Variants in TTC28 observed in about 807,000 individuals in gnomAD.
TTC28 encodes tetratricopeptide repeat domain 28.
Under a neutral mutation model 198.0 loss-of-function variants are expected in TTC28, and 61 were observed. The observed-to-expected ratio is 0.31, with a 90% confidence interval of 0.25 to 0.38. The LOEUF is 0.38. Ranked by LOEUF, TTC28 falls within the 10% of genes least tolerant of loss-of-function variation. The probability of loss-of-function intolerance (pLI) is 1.00; values close to 1 mark genes in which losing one functional copy is unlikely to be tolerated. For missense variants in TTC28, 2,678 were observed against 3,164.0 expected (o/e 0.85, Z 3.69); for synonymous variants, 1,171 against 1,297.8 (o/e 0.90, Z 2.10).
intron 2 of TTC28, among the ~76,000 whole-genome samples, chr22:28,483,932 T>C (rs1601454905): frequency 2.6e-5 from 4 of 152,198 alleles, no homozygotes; most frequent in Non-Finnish European, 5.9e-5. Context: ...TATGAGTATA[T>C]ACTGCTTTAA....
At position 27,983,440 on chromosome 22, in the gene TTC28, G is replaced by C. The variant is rs1429699987; in HGVS notation, c.6227C>G (p.Thr2076Arg). 3 of 1,548,260 alleles carry C rather than the reference G, an allele frequency of 1.9e-6. No individual in the cohort carries two copies. In the Admixed American group the frequency reaches 6.0e-5, roughly 31 times the overall value. ...TTGTTTGTGGTCTGGTGAGAAGCAT[G>C]TGTTTCGGTTTTCTTGGTAGGTCGC... Reference protein sequence around the residue: ...PLATYQENRNTCFSPDHKQPQ... With the variant: ...PLATYQENRNRCFSPDHKQPQ... The change falls in exon 23 of 23, where the codon ACA becomes AGA. Residue 2076 changes from threonine (T) to arginine (R), a missense_variant. By Grantham distance (71) the Thr-to-Arg change is moderately conservative. This residue lies in a region of TTC28 where 622 missense variants were observed against 656.0 expected (regional missense o/e 0.95). Transcript: ENST00000397906.
chr22:28,619,332 G>A (rs553329825), intron 2 of TTC28, among the ~76,000 whole-genome samples: 21 of 152,274 alleles, frequency 1.4e-4, no homozygotes, highest in Non-Finnish European at 2.6e-4. Flanking sequence ...TGGAAAAATG[G>A]AAGCTTAGGG....
chr22:28,442,016 G>C (rs1036933114), intron 2 of TTC28, among the ~76,000 whole-genome samples: 1 of 152,004 alleles, frequency 6.6e-6, no homozygotes, highest in Non-Finnish European at 1.5e-5. Flanking sequence ...CTTGAAGAAA[G>C]CTGTCTTTCT....
At chr22:28,197,339 C>A (rs956230405) in intron 5 of TTC28, among the ~76,000 whole-genome samples, 3 of 151,740 alleles carry the variant, frequency 2.0e-5, no homozygotes, top group Non-Finnish European at 4.4e-5. Context: ...TGACGAGTTA[C>A]TGGGTGCAGC....
chr22:28,553,636 C>A (rs553390259), intron 2 of TTC28, among the ~76,000 whole-genome samples: 127 of 152,050 alleles, frequency 8.4e-4, no homozygotes, highest in African/African-American at 2.9e-3. Flanking sequence ...CCGGCAGCCA[C>A]CCCATCCGGG....
intron 2 of TTC28, among the ~76,000 whole-genome samples, chr22:28,460,607 GTAGA>G (rs4035771): frequency 0.13 from 19,240 of 144,406 alleles, 1,336 homozygotes; most frequent in East Asian, 0.17. Flanking sequence ...ATGATTAATG[GTAGA>G]TAGATAGATA....
At chr22:28,391,395 C>G (rs535291578) in intron 2 of TTC28, among the ~76,000 whole-genome samples, 4 of 152,284 alleles carry the variant, frequency 2.6e-5, no homozygotes, top group Non-Finnish European at 5.9e-5. Flanking sequence ...GCCTGCCTTG[C>G]TAGACTGGGG....
chr22:28,289,742 T>C (rs985985581), intron 5 of TTC28, among the ~76,000 whole-genome samples: 2 of 152,218 alleles, frequency 1.3e-5, no homozygotes, highest in Admixed American at 1.3e-4. Context: ...AAAAATTTTT[T>C]TGTGCAAGCA....
At chr22:28,309,839 C>T (rs1202707596) in intron 2 of TTC28, among the ~76,000 whole-genome samples, 1 of 152,100 alleles carries the variant, frequency 6.6e-6, no homozygotes, top group Non-Finnish European at 1.5e-5. Flanking sequence ...CTGTTGAGAA[C>T]ACCTATACCC....
intron 13 of TTC28, among the ~76,000 whole-genome samples, chr22:28,014,887 C>T (rs1328071042): frequency 6.6e-6 from 1 of 152,156 alleles, no homozygotes; most frequent in East Asian, 1.9e-4. Context: ...GGCTCTGTGG[C>T]AAGGCAGTAG....
rs1364421665 is a variant in TTC28, at chr22:28,096,269, T to A, written c.3687A>T (p.Val1229=). ...AAAGCACTAGTCCCCTCTGGCCATT[T>A]ACCATCTCTAAGATCTGATCAATAG... ...PVTIDQILEM[V]NGQRGLVLYY... is the part of the protein sequence containing the mutation. The change falls in exon 11 of 23, where the codon GTA becomes GTT. Residue 1229 remains valine (V), a synonymous_variant. Transcript: ENST00000397906. The A allele has an allele frequency of 1.3e-5, 20 of 1,551,760 alleles. No individual in the cohort carries two copies. The East Asian group carries it at 4.9e-4, about 38-fold the overall frequency.
chr22:28,467,785 A>G (rs763963016), intron 2 of TTC28, among the ~76,000 whole-genome samples: 7 of 152,108 alleles, frequency 4.6e-5, no homozygotes, highest in Non-Finnish European at 5.9e-5. Context: ...TCCTTGAGAC[A>G]GAGTCTTACT....
chr22:28,086,106 A>G (rs1941585436), intron 12 of TTC28, among the ~76,000 whole-genome samples: 1 of 152,152 alleles, frequency 6.6e-6, no homozygotes, highest in Admixed American at 6.6e-5. Context: ...CAGATCAACG[A>G]GACAGAAAGT....
chr22:28,156,048 A>G (rs1316615919), intron 6 of TTC28, among the ~76,000 whole-genome samples: 1 of 152,224 alleles, frequency 6.6e-6, no homozygotes, highest in Non-Finnish European at 1.5e-5. Context: ...GTCAACTGAA[A>G]AACAAGAAAA....
intron 6 of TTC28, among the ~76,000 whole-genome samples, chr22:28,122,902 C>T (rs1325999233): frequency 6.6e-6 from 1 of 152,170 alleles, no homozygotes; most frequent in Non-Finnish European, 1.5e-5. Flanking sequence ...AATACCTAAG[C>T]CGTTCTTAGG....
chr22:28,062,413 C>G (rs1012614844), intron 12 of TTC28, among the ~76,000 whole-genome samples: 4 of 102,344 alleles, frequency 3.9e-5, no homozygotes, highest in Admixed American at 1.0e-4. Context: ...TTTAACTCTT[C>G]TTTTTTTTTT....
intron 2 of TTC28, among the ~76,000 whole-genome samples, chr22:28,424,878 T>C (rs1319169069): frequency 2.0e-5 from 3 of 152,228 alleles, no homozygotes; most frequent in Non-Finnish European, 4.4e-5. Context: ...TTTCATTGTT[T>C]AGGCATTGTA....
At chr22:28,489,217 G>A (rs2048346033) in intron 2 of TTC28, among the ~76,000 whole-genome samples, 1 of 151,758 alleles carries the variant, frequency 6.6e-6, no homozygotes, top group Non-Finnish European at 1.5e-5. Context: ...CCAGGAATTC[G>A]AGGCTTCTGT....
intron 5 of TTC28, among the ~76,000 whole-genome samples, chr22:28,276,165 C>A (rs757809063): frequency 6.6e-6 from 1 of 151,958 alleles, no homozygotes; most frequent in South Asian, 2.1e-4. Context: ...GCATGCACCA[C>A]GACGCCTGGC....
Sources: allele counts gnomAD v4.1 joint callset (sites outside exome capture counted in the v4.1 genomes callset), GRCh38; gene constraint gnomAD v4.1.1; regional missense constraint gnomAD v4.1.1; transcripts MANE v1.5; gene names NCBI Gene and HGNC (gene_info 2026-07-23, HGNC 2026-07-21).